Variants in ASAH1 observed in about 807,000 individuals in gnomAD.
ASAH1 encodes N-acylsphingosine amidohydrolase 1.
ASAH1 carries 70 observed loss-of-function variants against 59.5 expected under a neutral mutation model. That is an observed-to-expected ratio of 1.18 (90% confidence interval 0.97 to 1.43). The LOEUF (loss-of-function observed/expected upper bound fraction) is 1.43. Among genes scored for constraint, ASAH1 ranks in the 40% most tolerant of loss-of-function variants. The pLI is 0.00. For missense variants in ASAH1, 660 were observed against 482.5 expected (o/e 1.37, Z -3.45); for synonymous variants, 213 against 166.5 (o/e 1.28, Z -2.15).
At position 18,084,050 on chromosome 8, in the gene ASAH1, G is replaced by T; in HGVS notation, c.9C>A (p.Gly3=). Residue 3 remains glycine (G), a synonymous_variant, in exon 1 of 14, where the codon GGC becomes GGA. Transcript: ENST00000637790. ...GGAGGACTAAGGCGACGCAACTCCG[G>T]CCCGGCATCGCTCTAGCAGCCAACG... The part of the protein sequence containing the change: MP[G]RSCVALVLLA... 3 of 1,598,698 alleles carry T rather than the reference G, an allele frequency of 1.9e-6. No individual in the cohort carries two copies. Among genetic ancestry groups the T allele is most frequent in the Non-Finnish European group, 8.5e-7 (1 of 1,179,668 alleles).
chr8:18,084,149 T>C (rs1201311385), upstream of ASAH1: 3 of 1,567,014 alleles, frequency 1.9e-6, no homozygotes, highest in African/African-American at 1.3e-5. Context: ...CTCCGCCGCG[T>C]GACCCGCGAC....
At position 18,071,316 on chromosome 8, in the gene ASAH1, A is replaced by G; in HGVS notation, c.200T>C (p.Leu67Pro). Residue 67 changes from leucine (L) to proline (P), a missense_variant, in exon 3 of 14, where the codon CTT (leucine) becomes CCT (proline). Leu to Pro is a moderately conservative substitution (Grantham distance 98, BLOSUM62 -3). Coordinates refer to ENST00000637790, the MANE Select transcript of ASAH1 (RefSeq NM_177924.5). ...ATAGCATACCACTGGTGCCTTGTCAAGCATCAATTCATGCCATCTTTTGTA... is the reference window on the plus strand; with the variant it reads ...ATAGCATACCACTGGTGCCTTGTCAGGCATCAATTCATGCCATCTTTTGTA... ...PPYKRWHELM[L>P]DKAPVLKVIV... The G allele has an allele frequency of 1.9e-6, 3 of 1,594,534 alleles. No homozygotes were observed. Among genetic ancestry groups the G allele is most frequent in the Non-Finnish European group, 2.6e-6 (3 of 1,164,806 alleles).
At chr8:18,084,945 T>A, upstream of ASAH1, 2 of 1,231,548 alleles carry the variant, frequency 1.6e-6, no homozygotes, top group Non-Finnish European at 2.3e-6. Flanking sequence ...CGCGGGTAGG[T>A]GACCGGGTTG....
chr8:18,062,420 C>G lies in ASAH1; in HGVS notation c.507G>C (p.Trp169Cys). The G allele has an allele frequency of 6.2e-7, 1 of 1,613,952 alleles. No individual in the cohort carries two copies. Among genetic ancestry groups the G allele is most frequent in the Non-Finnish European group, 8.5e-7 (1 of 1,179,926 alleles). Residue 169 changes from tryptophan (W) to cysteine (C), a missense_variant, in exon 8 of 14, where the codon TGG becomes TGC. Trp to Cys is a radical substitution (Grantham distance 215). Transcript: ENST00000637790. ...TGACCCAGGTATCATTATTTATGTT[C>G]CACCTATAAAAGACATGTTTCAGTG... ...RNMDFGVFLG[W>C]NINNDTWVIT...
chr8:18,059,277 T>G (rs1799588910), intron 12 of ASAH1, 64 bp downstream of exon 12: 1 of 1,610,836 alleles, frequency 6.2e-7, no homozygotes, highest in Admixed American at 1.7e-5. Context: ...CAAAGAAAAA[T>G]GCCAGAACCA....
chr8:18,069,672 G>A (rs1800075037), intron 4 of ASAH1, 120 bp downstream of exon 4: 4 of 707,064 alleles, frequency 5.7e-6, no homozygotes, highest in Non-Finnish European at 9.9e-6. Flanking sequence ...CTGACAGTGA[G>A]CTAGATTCAT....
At chr8:18,059,492 T>A (rs1433776395) in intron 11 of ASAH1, 28 bp from the exon 12 acceptor site, 8 of 1,614,078 alleles carry the variant, frequency 5.0e-6, no homozygotes, top group Non-Finnish European at 6.8e-6. Flanking sequence ...GATTCCCTCT[T>A]AGGCTACATG....
chr8:18,058,554 T>C, intron 13 of ASAH1: 1 of 434,126 alleles, frequency 2.3e-6, no homozygotes, highest in Non-Finnish European at 4.2e-6. Flanking sequence ...TAGTGTGAGA[T>C]TTTTAATAGA....
At chr8:18,066,911 A>T (rs1300189636) in intron 5 of ASAH1, 1 of 355,030 alleles carries the variant, frequency 2.8e-6, no homozygotes, top group Non-Finnish European at 5.0e-6. Context: ...ATTTATACAA[A>T]GTTCACGAAG....
chr8:18,061,959 A>G (rs531661310), intron 8 of ASAH1: 5 of 633,062 alleles, frequency 7.9e-6, no homozygotes, highest in African/African-American at 7.3e-5. Flanking sequence ...CGCTTTTTGG[A>G]CAGGAAACTG....
chr8:18,062,250 G>A (rs370655492), intron 8 of ASAH1, 29 bp downstream of exon 8: 2 of 1,613,790 alleles, frequency 1.2e-6, no homozygotes, highest in African/African-American at 1.3e-5. Context: ...AAGGCTACCT[G>A]TATAATTATG....
intron 5 of ASAH1, chr8:18,065,074 TTC>T (rs1799875085): frequency 6.6e-6 from 1 of 152,252 alleles, no homozygotes; most frequent in South Asian, 2.1e-4. Context: ...CACATTGTAT[TTC>T]TGTCCCATTT....
intron 1 of ASAH1, 187 bp downstream of exon 1, chr8:18,083,794 A>G: frequency 8.3e-7 from 1 of 1,207,462 alleles, no homozygotes; most frequent in Non-Finnish European, 1.1e-6. Flanking sequence ...GTAGCACCGA[A>G]TCTACCGAGG....
In ASAH1 at chr8:18,073,336, T is replaced by C. The variant is rs559471599; in HGVS notation, c.126-1946A>G. 140 of 1,427,208 alleles carry C rather than the reference T, an allele frequency of 9.8e-5. No homozygotes were observed. In the African/African-American group the frequency reaches 1.8e-3, roughly 19 times the overall value. The allele number at this position is 1,427,208 out of a possible 1,614,324, so 88.4% of individuals were successfully genotyped here. A position where few individuals can be genotyped will look rare whatever the true frequency, so the allele number is the denominator to read the frequency against. On this transcript the variant is annotated intron_variant, in intron 2 of 13. Transcript: ENST00000637790. ...AGCAGCATTGGTATTCAATCAACAG[T>C]AGTCATCACAATTTATTTTCCTACT...
In ASAH1 at chr8:18,066,422, C is replaced by CAAAAAAAAAAAAAAAAAAA. The variant is rs35999931; in HGVS notation, c.382+797_382+798insTTTTTTTTTTTTTTTTTTT. 9.4e-5 allele frequency: 12 copies of CAAAAAAAAAAAAAAAAAAA among 127,326 alleles called. 1 individual carries two copies. Among genetic ancestry groups the CAAAAAAAAAAAAAAAAAAA allele is most frequent in the Non-Finnish European group, 1.5e-4 (9 of 58,724 alleles). 7.9% of individuals were successfully genotyped at this position (127,326 alleles called of 1,614,324 possible). A position where few individuals can be genotyped will look rare whatever the true frequency, so the allele number is the denominator to read the frequency against. ...CTTCTCCAAAAGAAACAAAGAAAAC[C>CAAAAAAAAAAAAAAAAAAA]AAAAAAAAAAAAAAAAAGTCAATAA... On this transcript the variant is annotated intron_variant, in intron 5 of 13. Transcript: ENST00000637790.
At chr8:18,069,756 T>A in intron 4 of ASAH1, 36 bp downstream of exon 4, 1 of 1,431,260 alleles carries the variant, frequency 7.0e-7, no homozygotes, top group Non-Finnish European at 9.8e-7. Flanking sequence ...ATTTTCTATG[T>A]GCTTAACATT....
intron 3 of ASAH1, among the ~76,000 whole-genome samples, chr8:18,070,547 G>C (rs1435312515): frequency 6.6e-6 from 1 of 152,188 alleles, no homozygotes; most frequent in East Asian, 1.9e-4. Flanking sequence ...GCCTCCCAAA[G>C]TACTGGGATT....
chr8:18,059,286 C>G (rs1245169672), intron 12 of ASAH1, 55 bp downstream of exon 12: 1 of 1,612,636 alleles, frequency 6.2e-7, no homozygotes, highest in Admixed American at 1.7e-5. Context: ...ATGCCAGAAC[C>G]AAGGGAATCT....
chr8:18,074,887 T>G (rs1465753527), intron 2 of ASAH1, among the ~76,000 whole-genome samples: 2 of 152,186 alleles, frequency 1.3e-5, no homozygotes, highest in Non-Finnish European at 2.9e-5. Context: ...GTGGTTTATA[T>G]CCAGGCACCA....
Sources: allele counts gnomAD v4.1 joint callset (sites outside exome capture counted in the v4.1 genomes callset), GRCh38; gene constraint gnomAD v4.1.1; transcripts MANE v1.5; gene names NCBI Gene and HGNC (gene_info 2026-07-23, HGNC 2026-07-21).